Variants in DGKB observed in about 807,000 individuals in gnomAD.
DGKB encodes diacylglycerol kinase beta, also known as 90 kDa diacylglycerol kinase.
DGKB carries 67 observed loss-of-function variants against 114.3 expected under a neutral mutation model. That is an observed-to-expected ratio of 0.59 (90% confidence interval 0.48 to 0.72). DGKB has a LOEUF of 0.72. Among genes scored for constraint, DGKB ranks in the 30% least tolerant of loss-of-function variants. DGKB has a pLI of 0.00. For synonymous variants in DGKB, 398 were observed against 323.1 expected (o/e 1.23, Z -2.49); for missense variants, 907 against 975.2 (o/e 0.93, Z 0.93).
intron 1 of DGKB, among the ~76,000 whole-genome samples, chr7:14,958,036 A>T (rs1786613055): frequency 6.6e-6 from 1 of 152,086 alleles, no homozygotes; most frequent in Admixed American, 6.6e-5. Flanking sequence ...AGAATCTGTT[A>T]TATCTTATAT....
chr7:14,161,156 G>T (rs1037639255), intron 25 of DGKB, among the ~76,000 whole-genome samples: 1 of 152,148 alleles, frequency 6.6e-6, no homozygotes, highest in African/African-American at 2.4e-5. Context: ...TAAAAAGTCA[G>T]GAAACAACAG....
At chr7:14,511,565 C>T (rs904844110) in intron 20 of DGKB, among the ~76,000 whole-genome samples, 2 of 152,194 alleles carry the variant, frequency 1.3e-5, no homozygotes, top group Non-Finnish European at 2.9e-5. Context: ...AGTAATAAGG[C>T]TGTTTCACTT....
intron 20 of DGKB, among the ~76,000 whole-genome samples, chr7:14,540,102 C>T (rs930354556): frequency 6.6e-6 from 1 of 151,690 alleles, no homozygotes; most frequent in South Asian, 2.1e-4. Context: ...CTTAGTCTTC[C>T]AAGGAAGAAG....
chr7:14,653,606 G>C (rs1186579715), intron 13 of DGKB, among the ~76,000 whole-genome samples: 1 of 151,816 alleles, frequency 6.6e-6, no homozygotes, highest in Admixed American at 6.6e-5. Context: ...GTATGCATAT[G>C]TAACTAACCT....
At chr7:14,344,715 T>A (rs549384501) in intron 22 of DGKB, among the ~76,000 whole-genome samples, 1 of 151,588 alleles carries the variant, frequency 6.6e-6, no homozygotes, top group African/African-American at 2.4e-5. Flanking sequence ...GTGTCTTTTT[T>A]TTTTACAGAC....
At chr7:14,882,303 G>A (rs1340058776) in intron 1 of DGKB, among the ~76,000 whole-genome samples, 1 of 152,050 alleles carries the variant, frequency 6.6e-6, no homozygotes, top group African/African-American at 2.4e-5. Context: ...TTATACCAGA[G>A]TCTTGGATTT....
intron 21 of DGKB, among the ~76,000 whole-genome samples, chr7:14,346,064 T>C (rs1336656593): frequency 6.6e-6 from 1 of 151,646 alleles, no homozygotes; most frequent in African/African-American, 2.4e-5. Context: ...ATAGTGATCA[T>C]GCCCTCAATT....
At chr7:14,383,398 T>C (rs188234492) in intron 21 of DGKB, among the ~76,000 whole-genome samples, 1 of 152,342 alleles carries the variant, frequency 6.6e-6, no homozygotes, top group African/African-American at 2.4e-5. Context: ...ATTATGATCA[T>C]ATTTTGCAGC....
At chr7:14,388,075 C>T (rs1370756193) in intron 21 of DGKB, among the ~76,000 whole-genome samples, 1 of 151,514 alleles carries the variant, frequency 6.6e-6, no homozygotes, top group Non-Finnish European at 1.5e-5. Flanking sequence ...AGACGGGTTT[C>T]ACCTTCTTGG....
chr7:14,830,263 A>G (rs912680771), intron 2 of DGKB, among the ~76,000 whole-genome samples: 5 of 152,048 alleles, frequency 3.3e-5, no homozygotes, highest in Admixed American at 6.6e-5. Context: ...ATCAGAATCT[A>G]TTCTCTCTGT....
At chr7:14,863,309 T>A (rs1340524170) in intron 1 of DGKB, among the ~76,000 whole-genome samples, 1 of 151,658 alleles carries the variant, frequency 6.6e-6, no homozygotes, top group Non-Finnish European at 1.5e-5. Context: ...ATCTGTGTCT[T>A]TTATGTTTTA....
At chr7:14,801,840 A>T (rs1386346738) in intron 2 of DGKB, among the ~76,000 whole-genome samples, 3 of 151,722 alleles carry the variant, frequency 2.0e-5, no homozygotes, top group Non-Finnish European at 4.4e-5. Context: ...GTATATGTGC[A>T]TGTGTGTATC....
chr7:14,644,114 G>T (rs1309392582), intron 13 of DGKB, among the ~76,000 whole-genome samples: 6 of 130,898 alleles, frequency 4.6e-5, no homozygotes, highest in Non-Finnish European at 9.7e-5. Flanking sequence ...TTTGATTACA[G>T]GCAAAAAAAA....
intron 20 of DGKB, among the ~76,000 whole-genome samples, chr7:14,513,690 TTAC>T (rs1788329434): frequency 6.6e-6 from 1 of 152,030 alleles, no homozygotes; most frequent in South Asian, 2.1e-4. Context: ...CAATATTTTA[TTAC>T]TAGATTGTGA....
At chr7:14,630,804 A>AT (rs376996170) in intron 13 of DGKB, among the ~76,000 whole-genome samples, 3 of 151,984 alleles carry the variant, frequency 2.0e-5, no homozygotes, top group Admixed American at 2.0e-4. Flanking sequence ...CTTGAGAGTA[A>AT]TTTTTTTAAG....
intron 25 of DGKB, among the ~76,000 whole-genome samples, chr7:14,150,384 T>C (rs1259900242): frequency 6.6e-6 from 1 of 152,100 alleles, no homozygotes; most frequent in Non-Finnish European, 1.5e-5. Flanking sequence ...CATTCACTAA[T>C]AGCAATGAAA....
At chr7:14,661,813 C>A (rs1585446222) in intron 13 of DGKB, among the ~76,000 whole-genome samples, 2 of 151,948 alleles carry the variant, frequency 1.3e-5, no homozygotes, top group South Asian at 4.2e-4. Flanking sequence ...CCCAAATGTC[C>A]CACAATGATA....
At chr7:14,844,206 C>A (rs1013715406) in intron 1 of DGKB, among the ~76,000 whole-genome samples, 3 of 152,156 alleles carry the variant, frequency 2.0e-5, no homozygotes, top group African/African-American at 4.8e-5. Context: ...CTGGCAAGTG[C>A]CCTTTCAACC....
intron 21 of DGKB, among the ~76,000 whole-genome samples, chr7:14,361,477 C>G (rs1053411105): frequency 6.6e-6 from 1 of 151,942 alleles, no homozygotes; most frequent in Non-Finnish European, 1.5e-5. Flanking sequence ...TTGAGGGACT[C>G]AGATGACTCC....
Sources: gnomAD v4.1 joint callset for allele counts (sites outside exome capture counted in the v4.1 genomes callset) on GRCh38, gnomAD v4.1.1 for gene constraint, MANE v1.5 for transcripts, NCBI Gene and HGNC (gene_info 2026-07-23, HGNC 2026-07-21) for gene names.